Variants in LAMA2 observed in about 807,000 individuals in gnomAD.
LAMA2 encodes the protein laminin subunit alpha 2.
A neutral mutation model predicts 364.8 loss-of-function variants in LAMA2; 269 were observed. That is an observed-to-expected ratio of 0.74 (90% CI 0.67 to 0.82). The LOEUF (loss-of-function observed/expected upper bound fraction) is 0.82, where lower values mean the gene tolerates loss of function less well. Ranked by LOEUF, LAMA2 falls within the 40% of genes least tolerant of loss-of-function variation. LAMA2 has a pLI of 0.00. For missense variants in LAMA2, 3,807 were observed against 3,873.2 expected, an observed-to-expected ratio of 0.98 and a Z score of 0.45; for synonymous variants, 1,379 against 1,370.6, an observed-to-expected ratio of 1.01 and a Z score of -0.14.
intron 4 of LAMA2, among the ~76,000 whole-genome samples, chr6:129,104,750 A>G (rs1775722984): frequency 6.6e-6 from 1 of 151,928 alleles, no homozygotes; most frequent in South Asian, 2.1e-4. Context: ...GTTTCCCTTC[A>G]TGGTTTGGTT....
chr6:129,208,097 T>C lies in LAMA2; in HGVS notation c.1782+15244T>C, dbSNP rs181133214. Among the ~76,000 whole-genome samples, 176 of 152,342 alleles carry C rather than the reference T, an allele frequency of 1.2e-3. 3 individuals carry two copies. Among genetic ancestry groups the C allele is most frequent in the Admixed American group, 0.01 (153 of 15,300 alleles). Reference sequence around the variant, plus strand: ...AGAGCAGACAAGGTTTTCTTGGAGATTGCTCACAGCATTCTTAAAATAGGG... The same window carrying C: ...AGAGCAGACAAGGTTTTCTTGGAGACTGCTCACAGCATTCTTAAAATAGGG... On this transcript the variant is annotated intron_variant, in intron 12 of 64. Transcript: ENST00000421865.
intron 40 of LAMA2, among the ~76,000 whole-genome samples, chr6:129,417,423 G>GT (rs1215934970): frequency 6.6e-6 from 1 of 152,132 alleles, no homozygotes; most frequent in Admixed American, 6.5e-5. Context: ...TGAGTCCGGG[G>GT]TTTTTTATGG....
chr6:129,300,968 A>G (rs1315946069), intron 22 of LAMA2, 96 bp downstream of exon 22: 8 of 1,019,504 alleles, frequency 7.8e-6, no homozygotes, highest in Admixed American at 1.7e-5. Flanking sequence ...ATATTACATC[A>G]CAAAATAATG....
At position 129,165,650 on chromosome 6, in the gene LAMA2, C is replaced by T; in HGVS notation, c.1281C>T (p.Val427=). 1 of 1,612,096 alleles carries T rather than the reference C, an allele frequency of 6.2e-7. No individual in the cohort carries two copies. Among genetic ancestry groups the T allele is most frequent in the Non-Finnish European group, 8.5e-7 (1 of 1,178,494 alleles). Residue 427 remains valine, a synonymous_variant, in exon 9 of 65, where the codon GTC becomes GTT. Transcript: ENST00000421865. ...TTGGTTCCTTAAATGAAGTCTGTGTCAAGGATGAGAAACATGCTCGACGAG... is the reference window on the plus strand; with the variant it reads ...TTGGTTCCTTAAATGAAGTCTGTGTTAAGGATGAGAAACATGCTCGACGAG... The part of the protein sequence containing the change: ...DPIGSLNEVC[V]KDEKHARRGL...
intron 12 of LAMA2, among the ~76,000 whole-genome samples, chr6:129,193,416 G>A (rs1366031383): frequency 3.3e-5 from 5 of 152,200 alleles, no homozygotes; most frequent in African/African-American, 1.2e-4. Context: ...TTGGAAGCAC[G>A]TTTGTTTTAA....
intron 9 of LAMA2, among the ~76,000 whole-genome samples, chr6:129,171,180 A>G (rs1387500465): frequency 1.3e-5 from 2 of 150,530 alleles, no homozygotes; most frequent in Non-Finnish European, 1.5e-5. Flanking sequence ...TTACATTTAA[A>G]GTTAATATTG....
At chr6:128,929,739 C>T in intron 1 of LAMA2, 1 of 1,246,856 alleles carries the variant, frequency 8.0e-7, no homozygotes, top group East Asian at 2.3e-5. Context: ...ATTCTTGTAC[C>T]AATCGTAGCT....
intron 1 of LAMA2, among the ~76,000 whole-genome samples, chr6:128,953,362 G>C (rs1036289562): frequency 2.6e-5 from 4 of 152,208 alleles, no homozygotes; most frequent in Admixed American, 2.6e-4. Flanking sequence ...AAAAAAATTA[G>C]CTTTACAGAT....
rs772192888 is a variant in LAMA2, at chr6:129,383,145, C to T, written c.4983C>T (p.Gly1661=). 4.8e-5 allele frequency: 78 copies of T among 1,613,660 alleles called. No homozygotes were observed. The highest frequency in any genetic ancestry group is 1.7e-4 in the Middle Eastern group (1 of 6,058). ...AGGCTACCAAAGTGACAGCAGATGGCGAGCAGACCGGACAGGATGCTGAGA... is the reference window on the plus strand; with the variant it reads ...AGGCTACCAAAGTGACAGCAGATGGTGAGCAGACCGGACAGGATGCTGAGA... The part of the protein sequence containing the change: ...LTRATKVTAD[G]EQTGQDAERT... The change falls in exon 35 of 65, where the codon GGC becomes GGT. Residue 1661 remains glycine, a synonymous_variant. Coordinates refer to ENST00000421865, the MANE Select transcript of LAMA2 (RefSeq NM_000426.4).
intron 4 of LAMA2, among the ~76,000 whole-genome samples, chr6:129,133,268 T>C (rs1384361289): frequency 2.0e-5 from 3 of 152,234 alleles, no homozygotes; most frequent in Admixed American, 2.0e-4. Context: ...CCAGGGGCTG[T>C]ATTTAGAGTA....
Position 129,481,437 on chromosome 6 carries a change from C to G in LAMA2, c.7747C>G (p.Gln2583Glu). The change falls in exon 55 of 65, where the codon CAG (glutamine) becomes GAG (glutamate). Residue 2583 changes from glutamine (Q) to glutamate (E), a missense_variant and splice_region_variant. This residue lies in a region of LAMA2 where 3,333 missense variants were observed against 3,345.7 expected (regional missense o/e 1.00). Coordinates refer to ENST00000421865, the MANE Select transcript of LAMA2 (RefSeq NM_000426.4). Reference sequence around the variant, plus strand: ...TAGGAGAAAACGAAGGCAGACTGGACAGGTACCCTCACACCTAGCTGATAA... The same window carrying G: ...TAGGAGAAAACGAAGGCAGACTGGAGAGGTACCCTCACACCTAGCTGATAA... ...PPRRKRRQTG[Q>E]AYYAILLNRG... The G allele has an allele frequency of 1.2e-6, 2 of 1,611,886 alleles. No homozygotes were observed. Among genetic ancestry groups the G allele is most frequent in the Non-Finnish European group, 1.7e-6 (2 of 1,177,996 alleles).
intron 1 of LAMA2, among the ~76,000 whole-genome samples, chr6:128,978,356 T>C (rs1262482361): frequency 3.4e-4 from 52 of 151,650 alleles, no homozygotes; most frequent in Non-Finnish European, 6.3e-4. Flanking sequence ...TTTCTTTTTT[T>C]TTTTTTTTTT....
At chr6:129,416,782 G>C (rs1048138145) in intron 40 of LAMA2, among the ~76,000 whole-genome samples, 1 of 152,070 alleles carries the variant, frequency 6.6e-6, no homozygotes, top group Non-Finnish European at 1.5e-5. Flanking sequence ...TCCCACACCT[G>C]CCAAGGGTGA....
Position 129,516,446 on chromosome 6 carries a change from G to A in LAMA2, c.*99G>A, listed in dbSNP as rs929740410. On this transcript the variant is annotated 3_prime_UTR_variant, in exon 65 of 65. Coordinates refer to ENST00000421865, the MANE Select transcript of LAMA2 (RefSeq NM_000426.4). ...CTATATATGTTAATTAAACTAATTT[G>A]TGCATGTACATAGAATTCTTTCTGT... The A allele has an allele frequency of 6.6e-6, 8 of 1,206,182 alleles. No individual in the cohort carries two copies. The highest frequency in any genetic ancestry group is 8.4e-6 in the Non-Finnish European group (7 of 834,198). 74.7% of individuals were successfully genotyped at this position (1,206,182 alleles called of 1,614,324 possible). A position where few individuals can be genotyped will look rare whatever the true frequency, so the allele number is the denominator to read the frequency against.
At chr6:129,251,764 C>T (rs1786262338) in intron 13 of LAMA2, among the ~76,000 whole-genome samples, 1 of 151,996 alleles carries the variant, frequency 6.6e-6, no homozygotes, top group South Asian at 2.1e-4. Context: ...AAAACCCCCG[C>T]CTCTTCTACA....
intron 40 of LAMA2, among the ~76,000 whole-genome samples, chr6:129,418,676 G>A (rs546007637): frequency 2.9e-4 from 44 of 152,064 alleles, no homozygotes; most frequent in African/African-American, 9.6e-4. Flanking sequence ...ATGCTAGCAG[G>A]CCAGAATTTG....
At chr6:128,910,118 G>C (rs559216719) in intron 1 of LAMA2, among the ~76,000 whole-genome samples, 2 of 151,988 alleles carry the variant, frequency 1.3e-5, no homozygotes, top group African/African-American at 4.8e-5. Flanking sequence ...ATGTGTCTTG[G>C]AGTTGCTTTT....
intron 20 of LAMA2, among the ~76,000 whole-genome samples, chr6:129,292,028 C>T (rs572539932): frequency 2.0e-5 from 3 of 152,096 alleles, no homozygotes; most frequent in Admixed American, 1.3e-4. Context: ...CTTTCCTTTG[C>T]CTTTACATTT....
At chr6:129,143,556 A>C (rs1778252436) in intron 4 of LAMA2, among the ~76,000 whole-genome samples, 4 of 152,014 alleles carry the variant, frequency 2.6e-5, no homozygotes, top group African/African-American at 9.7e-5. Flanking sequence ...CCAGATTCTT[A>C]AGTAATTTAG....
Sources: gnomAD v4.1 joint callset for allele counts (sites outside exome capture counted in the v4.1 genomes callset) on GRCh38, gnomAD v4.1.1 for gene constraint, gnomAD v4.1.1 regional missense constraint, MANE v1.5 for transcripts, NCBI Gene and HGNC (gene_info 2026-07-23, HGNC 2026-07-21) for gene names.